ZNF77: variants seen among roughly 807,000 people sequenced by gnomAD.
The protein encoded by ZNF77 is zinc finger protein 77.
Under a neutral mutation model 13.5 loss-of-function variants are expected in ZNF77, and 15 were observed. That is an observed-to-expected ratio of 1.11 (90% CI 0.74 to 1.71). ZNF77 has a LOEUF of 1.71. ZNF77 is among the 40% of genes most tolerant of loss of function. ZNF77 has a pLI of 0.00. For missense variants in ZNF77, 717 were observed against 676.4 expected (o/e 1.06, Z -0.67); for synonymous variants, 282 against 250.0 (o/e 1.13, Z -1.21).
rs201631747 is a variant in ZNF77 at position 2,934,052 on chromosome 19, T to C, written c.1075A>G (p.Lys359Glu). 5.5e-5 allele frequency: 89 copies of C among 1,614,200 alleles called. No individual in the cohort carries two copies. The highest frequency in any genetic ancestry group is 1.2e-5 in the Non-Finnish European group (14 of 1,180,034). Residue 359 changes from lysine (K) to glutamate (E), a missense_variant, in exon 4 of 4, where the codon AAA becomes GAA. Physicochemically the swap from Lys to Glu is moderately conservative, Grantham distance 56. Transcript: ENST00000314531. ...AGAGAGGAGGGGTACCTGAAGGCTT[T>C]GCCGCATTCCTTACATTCATAGGGT... The part of the protein sequence containing the change: ...EKPYECKECG[K>E]AFRYPSSLRA...
At position 2,933,530 on chromosome 19, in the gene ZNF77, C is replaced by CGA. The variant is rs1568190727; in HGVS notation, c.1595_1596dup (p.Ala533SerfsTer8). On this transcript the variant is annotated frameshift_variant, in exon 4 of 4. Transcript: ENST00000314531. LOFTEE classifies it low-confidence loss of function (END_TRUNC). ...GTTCTCACATGTGCTTGAAGCGATG[C>CGA]GAGATACCTGAAGGTTTTCCCACAC... 1 of 1,601,540 alleles carries CGA rather than the reference C, an allele frequency of 6.2e-7. No individual in the cohort carries two copies. The highest frequency in any genetic ancestry group is 1.3e-5 in the African/African-American group (1 of 74,842).
intron 1 of ZNF77, among the ~76,000 whole-genome samples, chr19:2,944,464 C>A (rs930055493): frequency 6.6e-6 from 1 of 150,930 alleles, no homozygotes. Context: ...TTCCACTGAA[C>A]CCCCAAACTG....
intron 1 of ZNF77, 160 bp from the exon 2 acceptor site, chr19:2,939,567 G>GGCAT: frequency 3.2e-6 from 3 of 942,856 alleles, no homozygotes; most frequent in South Asian, 1.6e-5. Flanking sequence ...ACTCAATGCC[G>GGCAT]TGAGTACCTT....
At chr19:2,942,109 TC>T (rs2144970126) in intron 1 of ZNF77, among the ~76,000 whole-genome samples, 1 of 151,418 alleles carries the variant, frequency 6.6e-6, no homozygotes, top group South Asian at 2.1e-4. Context: ...TCTTGCTCCG[TC>T]TCCCAGGCTG....
intron 2 of ZNF77, among the ~76,000 whole-genome samples, chr19:2,938,300 A>G (rs1196315619): frequency 1.3e-5 from 2 of 152,232 alleles, no homozygotes; most frequent in Non-Finnish European, 2.9e-5. Context: ...GACTTCCCAG[A>G]CCACCGATGA....
Position 2,936,595 on chromosome 19 carries a change from C to T in ZNF77, c.240G>A (p.Trp80Ter). ...EIVKFTGSDS[W>*]SIFGENWRFD... ...ATCTCCAATTTTCTCCAAAAATAGA[C>T]CAGGAATCACTTCCTGTGAACTTTA... The change falls in exon 3 of 4, where the codon TGG (tryptophan) becomes TGA (stop). Residue 80 changes from tryptophan to a stop codon, truncating the protein, a stop_gained. Transcript: ENST00000314531. LOFTEE classifies it high-confidence loss of function. 1 of 1,610,898 alleles carries T rather than the reference C, an allele frequency of 6.2e-7. No homozygotes were observed. Among genetic ancestry groups the T allele is most frequent in the South Asian group, 1.1e-5 (1 of 90,012 alleles).
At chr19:2,938,768 A>G (rs192850176) in intron 2 of ZNF77, among the ~76,000 whole-genome samples, 32 of 152,212 alleles carry the variant, frequency 2.1e-4, no homozygotes, top group East Asian at 1.4e-3. Context: ...CATCCTGGCT[A>G]ACACGGTGAA....
chr19:2,939,570 A>AGT, intron 1 of ZNF77, 163 bp from the exon 2 acceptor site: 3 of 923,378 alleles, frequency 3.2e-6, no homozygotes, highest in South Asian at 1.7e-5. Flanking sequence ...CAATGCCGTG[A>AGT]GTACCTTCCC....
chr19:2,940,500 C>G (rs1371811113), intron 1 of ZNF77, among the ~76,000 whole-genome samples: 2 of 151,936 alleles, frequency 1.3e-5, no homozygotes, highest in East Asian at 1.9e-4. Context: ...TGGTGAAACC[C>G]CATCTCTACT....
intron 3 of ZNF77, among the ~76,000 whole-genome samples, chr19:2,935,023 T>C (rs1376318974): frequency 6.6e-6 from 1 of 152,120 alleles, no homozygotes; most frequent in African/African-American, 2.4e-5. Flanking sequence ...CGGTGTTTCT[T>C]TTCTTCTTTT....
intron 1 of ZNF77, among the ~76,000 whole-genome samples, chr19:2,942,075 CTTT>C (rs36016142): frequency 6.9e-6 from 1 of 144,038 alleles, no homozygotes. Context: ...AGCATTTATT[CTTT>C]TTTTTTTTTT....
rs558854768 is a variant in ZNF77, at chr19:2,933,857, G to A, written c.1270C>T (p.Arg424Ter). Reference protein sequence around the residue: ...GKAYSFSSSLRIHVRTHTGEK... With the variant: ...GKAYSFSSSL ...CCAGTATGCGTCCTCACGTGGATTC[G>A]AAGGGAGGAGGAAAAACTGTAGGCT... The change falls in exon 4 of 4, where the codon CGA becomes TGA. Residue 424 changes from arginine to a stop codon, truncating the protein, a stop_gained. Coordinates refer to ENST00000314531, the MANE Select transcript of ZNF77 (RefSeq NM_021217.3). LOFTEE classifies it low-confidence loss of function (END_TRUNC). 2.9e-5 allele frequency: 46 copies of A among 1,604,476 alleles called. No individual in the cohort carries two copies. The highest frequency in any genetic ancestry group is 2.7e-4 in the South Asian group (24 of 90,322).
chr19:2,940,417 A>G (rs1012631564), intron 1 of ZNF77, among the ~76,000 whole-genome samples: 2 of 151,858 alleles, frequency 1.3e-5, no homozygotes, highest in East Asian at 1.9e-4. Context: ...GCTCACGCCT[A>G]TAATCCTAGC....
At chr19:2,943,953 G>A (rs1414826065) in intron 1 of ZNF77, among the ~76,000 whole-genome samples, 3 of 151,528 alleles carry the variant, frequency 2.0e-5, no homozygotes, top group Non-Finnish European at 4.4e-5. Context: ...CAGGTGATCC[G>A]CCCGCCTCGG....
chr19:2,935,131 G>T, intron 3 of ZNF77, among the ~76,000 whole-genome samples: 1 of 152,002 alleles, frequency 6.6e-6, no homozygotes, highest in African/African-American at 2.4e-5. Flanking sequence ...CCATTCTCCT[G>T]CCTCAGCCTC....
chr19:2,943,692 ATTT>A (rs10633206), intron 1 of ZNF77, among the ~76,000 whole-genome samples: 5 of 76,768 alleles, frequency 6.5e-5, no homozygotes, highest in African/African-American at 1.6e-4. Context: ...TCTAGCCAGG[ATTT>A]TTTTTTTTTT....
chr19:2,936,777 C>T (rs1460386690), intron 2 of ZNF77, 73 bp from the exon 3 acceptor site: 1 of 1,409,432 alleles, frequency 7.1e-7, no homozygotes, highest in Non-Finnish European at 9.6e-7. Context: ...ATACGGATTT[C>T]TTTTCATATA....
rs199713360 is a variant in ZNF77 at position 2,934,441 on chromosome 19, C to T, written c.686G>A (p.Gly229Glu). Residue 229 changes from glycine (G) to glutamate (E), a missense_variant, in exon 4 of 4, where the codon GGA (glycine) becomes GAA (glutamate). Gly to Glu is a moderately conservative substitution (Grantham distance 98). Coordinates refer to ENST00000314531, the MANE Select transcript of ZNF77 (RefSeq NM_021217.3). ...KAFICPSSFR[G>E]HVNSHHGQKT... ...CTGCCCATGATGACTATTCACATGT[C>T]CCCTGAAAGATGAGGGACAAATGAA... The T allele has an allele frequency of 1.4e-5, 23 of 1,614,168 alleles. No homozygotes were observed. Among genetic ancestry groups the T allele is most frequent in the Non-Finnish European group, 1.8e-5 (21 of 1,180,028 alleles).
Position 2,933,546 on chromosome 19 carries a change from T to C in ZNF77, c.1581A>G (p.Lys527=), listed in dbSNP as rs749454389. The C allele has an allele frequency of 4.4e-6, 7 of 1,608,428 alleles. No individual in the cohort carries two copies. The highest frequency in any genetic ancestry group is 6.0e-6 in the Non-Finnish European group (7 of 1,176,194). The change falls in exon 4 of 4, where the codon AAA becomes AAG. Residue 527 remains lysine (K), a synonymous_variant. Coordinates refer to ENST00000314531, the MANE Select transcript of ZNF77 (RefSeq NM_021217.3). The stretch of plus-strand genomic sequence containing the variant: ...GAAGCGATGCGAGATACCTGAAGGT[T>C]TTCCCACACTGCTTGCATTCATACG... ...ERPYECKQCG[K]TFRYLASLQA...
Sources: allele counts gnomAD v4.1 joint callset (sites outside exome capture counted in the v4.1 genomes callset), GRCh38; gene constraint gnomAD v4.1.1; transcripts MANE v1.5; gene names NCBI Gene and HGNC (gene_info 2026-07-23, HGNC 2026-07-21).